YWHAG: variants seen among roughly 807,000 people sequenced by gnomAD.
YWHAG encodes 14-3-3 protein gamma.
A neutral mutation model predicts 23.3 loss-of-function variants in YWHAG; 1 was observed. The ratio of observed to expected loss-of-function variants is 0.04; its 90% CI spans 0.02 to 0.20. The LOEUF (loss-of-function observed/expected upper bound fraction) is 0.20. Among genes scored for constraint, YWHAG ranks in the 10% least tolerant of loss-of-function variants. YWHAG has a pLI of 1.00. For synonymous variants in YWHAG, 160 were observed against 144.0 expected, an observed-to-expected ratio of 1.11 and a Z score of -0.80; for missense variants, 151 against 338.6, an observed-to-expected ratio of 0.45 and a Z score of 4.35.
chr7:76,339,451 C>A (rs1229025491), intron 1 of YWHAG, among the ~76,000 whole-genome samples: 1 of 152,026 alleles, frequency 6.6e-6, no homozygotes, highest in Non-Finnish European at 1.5e-5. Context: ...GCCTGGGCAA[C>A]AGAGCAAGAT....
At chr7:76,349,236 G>A (rs1803834470) in intron 1 of YWHAG, among the ~76,000 whole-genome samples, 1 of 151,670 alleles carries the variant, frequency 6.6e-6, no homozygotes, top group Admixed American at 6.6e-5. Flanking sequence ...CAGCTACTCG[G>A]GAGGCTGAGG....
intron 1 of YWHAG, among the ~76,000 whole-genome samples, chr7:76,342,597 T>G (rs922753435): frequency 3.3e-5 from 5 of 152,218 alleles, no homozygotes; most frequent in African/African-American, 1.2e-4. Flanking sequence ...TCTCATATCC[T>G]AGAGTCTTCT....
In YWHAG at chr7:76,346,722, T is replaced by C. The variant is rs144962016; in HGVS notation, c.87+12000A>G. ...TCTACTCCTCAGCCTCCCCTTGCTCTGCCTCACTGTCCTACTCAGTTTCCA... is the reference window on the plus strand; with the variant it reads ...TCTACTCCTCAGCCTCCCCTTGCTCCGCCTCACTGTCCTACTCAGTTTCCA... On this transcript the variant is annotated intron_variant, in intron 1 of 1. Coordinates refer to ENST00000307630, the MANE Select transcript of YWHAG (RefSeq NM_012479.4). 6.6e-3 allele frequency among the ~76,000 whole-genome samples: 1,008 copies of C among 152,286 alleles called. 10 individuals are homozygous for C. The highest frequency in any genetic ancestry group is 0.023 in the African/African-American group (965 of 41,560).
At chr7:76,347,399 C>A (rs955943414) in intron 1 of YWHAG, among the ~76,000 whole-genome samples, 1 of 152,142 alleles carries the variant, frequency 6.6e-6, no homozygotes, top group Non-Finnish European at 1.5e-5. Context: ...GAGTTCAACA[C>A]CAGCCTGACC....
chr7:76,347,957 G>A (rs1421544365), intron 1 of YWHAG, among the ~76,000 whole-genome samples: 2 of 152,176 alleles, frequency 1.3e-5, no homozygotes, highest in Non-Finnish European at 2.9e-5. Context: ...CACTGCAATC[G>A]TGGGATCGAA....
At chr7:76,355,072 C>T (rs1803932422) in intron 1 of YWHAG, among the ~76,000 whole-genome samples, 1 of 152,206 alleles carries the variant, frequency 6.6e-6, no homozygotes, top group African/African-American at 2.4e-5. Flanking sequence ...TTCCAGCCAG[C>T]TGTAGTCCAG....
At chr7:76,330,696 C>G (rs577099071) in intron 1 of YWHAG, among the ~76,000 whole-genome samples, 1 of 152,166 alleles carries the variant, frequency 6.6e-6, no homozygotes, top group African/African-American at 2.4e-5. Context: ...TGCTCATATG[C>G]CAACACCATG....
chr7:76,341,404 CAAAA>C (rs1158151013), intron 1 of YWHAG, among the ~76,000 whole-genome samples: 246 of 44,632 alleles, frequency 5.5e-3, no homozygotes, highest in Non-Finnish European at 7.5e-3. Flanking sequence ...ACTCTTGCCT[CAAAA>C]AAAAAAAAAA....
intron 1 of YWHAG, among the ~76,000 whole-genome samples, chr7:76,353,788 G>C (rs962752468): frequency 4.6e-5 from 7 of 152,046 alleles, no homozygotes; most frequent in African/African-American, 7.2e-5. Context: ...TATAGACCGG[G>C]CTGGGTGTGG....
chr7:76,341,800 A>C (rs536585604), intron 1 of YWHAG, among the ~76,000 whole-genome samples: 1 of 152,306 alleles, frequency 6.6e-6, no homozygotes, highest in East Asian at 1.9e-4. Flanking sequence ...GGCATGTTCT[A>C]GAATGTGGTG....
At chr7:76,332,241 G>A (rs1040013771) in intron 1 of YWHAG, among the ~76,000 whole-genome samples, 5 of 152,090 alleles carry the variant, frequency 3.3e-5, no homozygotes, top group Non-Finnish European at 5.9e-5. Flanking sequence ...TCTTGTTCCC[G>A]GCACTTCTGC....
intron 1 of YWHAG, among the ~76,000 whole-genome samples, chr7:76,335,176 G>A (rs1297231658): frequency 6.6e-6 from 1 of 152,102 alleles, no homozygotes; most frequent in East Asian, 1.9e-4. Context: ...TCCTGCCTCA[G>A]CCTCCCGAGT....
chr7:76,343,325 G>A (rs1056385571), intron 1 of YWHAG, among the ~76,000 whole-genome samples: 1 of 150,400 alleles, frequency 6.6e-6, no homozygotes. Flanking sequence ...ACATATTGTG[G>A]AAGCAGAAGA....
intron 1 of YWHAG, among the ~76,000 whole-genome samples, chr7:76,357,213 G>A (rs1036400768): frequency 4.6e-5 from 7 of 152,094 alleles, no homozygotes; most frequent in African/African-American, 1.7e-4. Flanking sequence ...TCTTCAATAA[G>A]ACAAAAACCT....
Position 76,329,718 on chromosome 7 carries a change from G to A in YWHAG, c.603C>T (p.Phe201=), listed in dbSNP as rs770141470. ...TGTCAAGCTCGGCGATGGCGTCGTC[G>A]AACGCGGTCTTGGCCAAGTGGCACG... The part of the protein sequence containing the change: ...EQACHLAKTA[F]DDAIAELDTL... The change falls in exon 2 of 2, where the codon TTC becomes TTT. Residue 201 remains phenylalanine, a synonymous_variant. Coordinates refer to ENST00000307630, the MANE Select transcript of YWHAG (RefSeq NM_012479.4). The surrounding 1 kb of genome is among the most constrained non-coding windows in gnomAD (Gnocchi z 6.1). 1.4e-5 allele frequency: 23 copies of A among 1,614,080 alleles called. No individual in the cohort carries two copies. Among genetic ancestry groups the A allele is most frequent in the South Asian group, 4.4e-5 (4 of 91,086 alleles).
chr7:76,357,912 C>A (rs1285876776), intron 1 of YWHAG, among the ~76,000 whole-genome samples: 2 of 152,116 alleles, frequency 1.3e-5, no homozygotes, highest in East Asian at 1.9e-4. Flanking sequence ...ATATGTCACA[C>A]GAATCGAACC....
At chr7:76,358,357 C>A (rs1803993795) in intron 1 of YWHAG, among the ~76,000 whole-genome samples, 1 of 152,086 alleles carries the variant, frequency 6.6e-6, no homozygotes, top group Non-Finnish European at 1.5e-5. Flanking sequence ...CACGCCCAGG[C>A]TAGGAGGAGG....
At chr7:76,342,789 G>C (rs1172696498) in intron 1 of YWHAG, among the ~76,000 whole-genome samples, 1 of 152,060 alleles carries the variant, frequency 6.6e-6, no homozygotes, top group Non-Finnish European at 1.5e-5. Context: ...TCATAGATCT[G>C]ACTTGGAAGT....
Position 76,358,703 on chromosome 7 carries a change from G to A in YWHAG, c.87+19C>T, listed in dbSNP as rs950293725. 6.4e-7 allele frequency: 1 copy of A among 1,561,178 alleles called. No homozygotes were observed. Reference sequence around the variant, plus strand: ...TTCGGAGGGGCAGGGAGCGGCGGGGGAGGGGAGGAGACACTCACGTTCTTC... The same window carrying A: ...TTCGGAGGGGCAGGGAGCGGCGGGGAAGGGGAGGAGACACTCACGTTCTTC... On this transcript the variant is annotated intron_variant, in intron 1 of 1. Coordinates refer to ENST00000307630, the MANE Select transcript of YWHAG (RefSeq NM_012479.4).
Sources: gnomAD v4.1 joint callset for allele counts (sites outside exome capture counted in the v4.1 genomes callset) on GRCh38, gnomAD v4.1.1 for gene constraint, Gnocchi (gnomAD v3.1) non-coding constraint, MANE v1.5 for transcripts, NCBI Gene and HGNC (gene_info 2026-07-23, HGNC 2026-07-21) for gene names.